ROBO2: variants seen among roughly 807,000 people sequenced by gnomAD.
The protein encoded by ROBO2 is roundabout guidance receptor 2.
In ROBO2, 53 loss-of-function variants were observed where a neutral mutation model predicts 160.8. The observed-to-expected ratio is 0.33, with a 90% CI of 0.26 to 0.41. The LOEUF is 0.41. ROBO2 is among the 10% of genes least tolerant of loss of function. The pLI is 1.00. For synonymous variants in ROBO2, 664 were observed against 611.7 expected (o/e 1.09, Z -1.26); for missense variants, 1,577 against 1,722.4 (o/e 0.92, Z 1.49).
chr3:76,924,520 G>GT (rs1477121923), intron 2 of ROBO2, among the ~76,000 whole-genome samples: 1 of 152,156 alleles, frequency 6.6e-6, no homozygotes, highest in African/African-American at 2.4e-5. Context: ...TTTACTGTCT[G>GT]TAAGCTACCC....
At chr3:76,192,044 C>A (rs902771003) in intron 2 of ROBO2, among the ~76,000 whole-genome samples, 1 of 152,078 alleles carries the variant, frequency 6.6e-6, no homozygotes, top group African/African-American at 2.4e-5. Flanking sequence ...CCAACAGTAA[C>A]CTCACCTTCG....
chr3:76,800,017 A>G (rs979683389), intron 2 of ROBO2, among the ~76,000 whole-genome samples: 1 of 152,204 alleles, frequency 6.6e-6, no homozygotes, highest in African/African-American at 2.4e-5. Context: ...TGGCATAAAA[A>G]CAGACACAAA....
chr3:77,282,138 C>T (rs1440186019), intron 2 of ROBO2, among the ~76,000 whole-genome samples: 1 of 103,062 alleles, frequency 9.7e-6, no homozygotes. Flanking sequence ...TCAGTGCAGA[C>T]ATAATCAACC....
At chr3:76,736,732 A>G (rs1365566811) in intron 2 of ROBO2, among the ~76,000 whole-genome samples, 3 of 152,238 alleles carry the variant, frequency 2.0e-5, no homozygotes, top group Non-Finnish European at 4.4e-5. Context: ...ACCTAAAGGT[A>G]TGATCTAATC....
chr3:76,445,271 A>C (rs534573432), intron 2 of ROBO2, among the ~76,000 whole-genome samples: 8 of 152,302 alleles, frequency 5.3e-5, no homozygotes, highest in African/African-American at 1.9e-4. Flanking sequence ...AAAAAACTCC[A>C]AATTGTCAAC....
At chr3:76,010,167 A>G (rs1480705253) in intron 2 of ROBO2, among the ~76,000 whole-genome samples, 2 of 152,246 alleles carry the variant, frequency 1.3e-5, no homozygotes, top group African/African-American at 4.8e-5. Context: ...GGCTTAGTCC[A>G]GAGGACAGTG....
chr3:77,427,376 A>C (rs2078311849), intron 2 of ROBO2, among the ~76,000 whole-genome samples: 1 of 152,218 alleles, frequency 6.6e-6, no homozygotes, highest in Non-Finnish European at 1.5e-5. Flanking sequence ...TTCCCTTAAA[A>C]TGGGTGCAAT....
chr3:76,423,384 C>T (rs993561345), intron 2 of ROBO2, among the ~76,000 whole-genome samples: 1 of 152,084 alleles, frequency 6.6e-6, no homozygotes, highest in Non-Finnish European at 1.5e-5. Context: ...TGTTCTTTGT[C>T]AAAGGCAGAC....
intron 23 of ROBO2, chr3:77,629,319 G>C (rs925309459): frequency 2.0e-5 from 3 of 152,112 alleles, no homozygotes; most frequent in African/African-American, 7.2e-5. Flanking sequence ...GGTTTCACCT[G>C]TCAATAGCTA....
intron 1 of ROBO2, among the ~76,000 whole-genome samples, chr3:77,041,589 TTTACTGGGA>T (rs2064106169): frequency 6.6e-6 from 1 of 152,178 alleles, no homozygotes; most frequent in Non-Finnish European, 1.5e-5. Flanking sequence ...TCCGATTTGG[TTTACTGGGA>T]TATTTTCACA....
chr3:77,281,517 A>C lies in ROBO2; in HGVS notation c.388+183177A>C, dbSNP rs201398483. Among the ~76,000 whole-genome samples, 525 of 143,962 alleles carry C rather than the reference A, an allele frequency of 3.6e-3. 3 individuals are homozygous for C. The highest frequency in any genetic ancestry group is 6.9e-3 in the African/African-American group (271 of 39,194). 94.4% of individuals were successfully genotyped at this position (143,962 alleles called of 152,430 possible). On this transcript the variant is annotated intron_variant, in intron 2 of 25. Coordinates refer to ENST00000461745, the Ensembl canonical transcript of ROBO2. The stretch of plus-strand genomic sequence containing the variant: ...AAGAAGAAATGTAAGAAAAAAAAAA[A>C]CCACCAGAAATAGTCTTAGAAATGC...
At chr3:76,407,238 T>A (rs897693687) in intron 2 of ROBO2, among the ~76,000 whole-genome samples, 2 of 151,966 alleles carry the variant, frequency 1.3e-5, no homozygotes, top group African/African-American at 4.8e-5. Context: ...TCTCACCTGA[T>A]CTAAAGTAGT....
At chr3:75,981,030 A>T (rs1266044537) in intron 2 of ROBO2, among the ~76,000 whole-genome samples, 1 of 151,580 alleles carries the variant, frequency 6.6e-6, no homozygotes, top group East Asian at 1.9e-4. Context: ...TTTATATAAT[A>T]ACATTACAAC....
intron 2 of ROBO2, among the ~76,000 whole-genome samples, chr3:76,076,358 T>C (rs748279802): frequency 4.4e-4 from 67 of 152,208 alleles, no homozygotes; most frequent in Non-Finnish European, 7.8e-4. Context: ...TCAGCAAATA[T>C]ATCCTCTGTT....
At chr3:77,579,846 T>A in intron 15 of ROBO2, 101 bp from the exon 17 acceptor site, 1 of 1,100,540 alleles carries the variant, frequency 9.1e-7, no homozygotes, top group Non-Finnish European at 1.4e-6. Context: ...GCCTAGAAGA[T>A]AGACAGGTTA....
intron 2 of ROBO2, among the ~76,000 whole-genome samples, chr3:76,309,187 A>C (rs1451900822): frequency 6.6e-6 from 1 of 152,172 alleles, no homozygotes; most frequent in African/African-American, 2.4e-5. Context: ...TTATTCTACC[A>C]ATTTCTGTTT....
At chr3:76,044,402 C>T (rs914880750) in intron 2 of ROBO2, among the ~76,000 whole-genome samples, 5 of 151,998 alleles carry the variant, frequency 3.3e-5, no homozygotes, top group African/African-American at 9.7e-5. Flanking sequence ...ATATAACCTC[C>T]AGACAAGTTT....
chr3:77,391,676 G>A (rs2074748282), intron 2 of ROBO2, among the ~76,000 whole-genome samples: 1 of 152,026 alleles, frequency 6.6e-6, no homozygotes, highest in South Asian at 2.1e-4. Context: ...TGGGGACACA[G>A]CCAAACCGTG....
chr3:77,421,785 T>A (rs535825566), intron 2 of ROBO2, among the ~76,000 whole-genome samples: 1 of 152,236 alleles, frequency 6.6e-6, no homozygotes, highest in East Asian at 1.9e-4. Context: ...TTATCAGTAA[T>A]CCATTGGTTA....
Sources: gnomAD v4.1 joint callset for allele counts (sites outside exome capture counted in the v4.1 genomes callset) on GRCh38, gnomAD v4.1.1 for gene constraint, MANE v1.5 for transcripts, NCBI Gene and HGNC (gene_info 2026-07-23, HGNC 2026-07-21) for gene names.